RTL4: variants seen among roughly 807,000 people sequenced by gnomAD.
RTL4 encodes retrotransposon Gag like 4.
Under a neutral mutation model 5.3 loss-of-function variants are expected in RTL4, and 4 were observed. The ratio of observed to expected loss-of-function variants is 0.75; its 90% CI spans 0.37 to 1.72. The LOEUF is 1.72. Ranked by LOEUF, RTL4 falls within the 40% of genes most tolerant of loss-of-function variation. The pLI, the probability that RTL4 is intolerant of heterozygous loss-of-function variation, is 0.04. For missense variants in RTL4, 260 were observed against 227.1 expected (o/e 1.14, Z -0.93); for synonymous variants, 98 against 87.3 (o/e 1.12, Z -0.68).
At chrX:112,154,285 T>C in the RTL4 span, among the ~76,000 whole-genome samples, 1 of 112,332 alleles carries the variant, frequency 8.9e-6, no homozygotes, top group South Asian at 3.6e-4. Context: ...ATTTTAAATA[T>C]ACTTAAAGTA....
the RTL4 span, among the ~76,000 whole-genome samples, chrX:112,162,827 C>T: frequency 8.1e-5 from 9 of 111,226 alleles, no homozygotes; most frequent in African/African-American, 1.3e-4. Context: ...TTTTCTGCTC[C>T]GGAGGATCCT....
chrX:112,107,846 C>T, the RTL4 span, among the ~76,000 whole-genome samples: 1 of 111,873 alleles, frequency 8.9e-6, no homozygotes, highest in Non-Finnish European at 1.9e-5. Context: ...TGAATTCTTA[C>T]ATCTTCCTCC....
the RTL4 span, among the ~76,000 whole-genome samples, chrX:112,310,187 G>A: frequency 4.0e-5 from 4 of 99,800 alleles, no homozygotes; most frequent in Middle Eastern, 9.9e-3. Flanking sequence ...GGGCTTTGGG[G>A]TGGCAGTTAG....
At chrX:112,166,454 A>G in the RTL4 span, among the ~76,000 whole-genome samples, 1 of 111,763 alleles carries the variant, frequency 8.9e-6, no homozygotes, top group Non-Finnish European at 1.9e-5. Context: ...CAGGGAGATA[A>G]TGCCCTGTTG....
chrX:112,348,951 A>G, the RTL4 span, among the ~76,000 whole-genome samples: 1 of 110,534 alleles, frequency 9.0e-6, no homozygotes, highest in East Asian at 2.9e-4. Context: ...AAGAACTTTA[A>G]ATATAATATT....
chrX:112,107,341 G>A, the RTL4 span, among the ~76,000 whole-genome samples: 1 of 111,614 alleles, frequency 9.0e-6, no homozygotes, highest in Non-Finnish European at 1.9e-5. Context: ...AAAGATATAG[G>A]TGATTTTCAC....
At chrX:112,124,993 C>T in the RTL4 span, among the ~76,000 whole-genome samples, 4 of 110,281 alleles carry the variant, frequency 3.6e-5, no homozygotes, top group African/African-American at 1.3e-4. Context: ...CTCCAACTTC[C>T]AGGTTCAAGC....
the RTL4 span, chrX:112,320,250 C>T: frequency 2.7e-5 from 3 of 112,124 alleles, no homozygotes; most frequent in Non-Finnish European, 3.8e-5. Flanking sequence ...CCTGAATGTG[C>T]TCACAGATTG....
the RTL4 span, among the ~76,000 whole-genome samples, chrX:112,104,928 G>T: frequency 2.7e-5 from 3 of 111,417 alleles, no homozygotes; most frequent in African/African-American, 9.8e-5. Context: ...AGATTTTGTT[G>T]CCTGTACTTT....
upstream of RTL4, among the ~76,000 whole-genome samples, chrX:112,453,020 G>A (rs923501807): frequency 9.7e-5 from 8 of 82,711 alleles, no homozygotes; most frequent in Non-Finnish European, 1.4e-4. Context: ...GGACAAGAGC[G>A]AGACTCTGTC....
the RTL4 span, among the ~76,000 whole-genome samples, chrX:112,175,700 C>G: frequency 3.6e-5 from 4 of 111,228 alleles, no homozygotes; most frequent in East Asian, 1.1e-3. Flanking sequence ...TAAAAACTCT[C>G]AATAAATTAG....
chrX:112,102,840 T>A, the RTL4 span, among the ~76,000 whole-genome samples: 1 of 112,120 alleles, frequency 8.9e-6, no homozygotes, highest in Non-Finnish European at 1.9e-5. Context: ...AAGGTCAACA[T>A]CACTGATCAT....
chrX:112,240,588 G>A, the RTL4 span, among the ~76,000 whole-genome samples: 1 of 111,801 alleles, frequency 8.9e-6, no homozygotes, highest in African/African-American at 3.2e-5. Flanking sequence ...GCTTGTATGG[G>A]CACTCGAAGT....
At chrX:112,162,183 TAAC>T in the RTL4 span, among the ~76,000 whole-genome samples, 30 of 110,562 alleles carry the variant, frequency 2.7e-4, no homozygotes, top group African/African-American at 8.6e-4. Context: ...TTAATGACAA[TAAC>T]AACAACAATA....
the RTL4 span, among the ~76,000 whole-genome samples, chrX:112,209,684 G>A: frequency 9.0e-6 from 1 of 111,298 alleles, no homozygotes; most frequent in African/African-American, 3.3e-5. Flanking sequence ...GGCCGATCAC[G>A]TATATACCAC....
At chrX:112,343,855 A>AT in the RTL4 span, among the ~76,000 whole-genome samples, 2 of 111,328 alleles carry the variant, frequency 1.8e-5, no homozygotes, top group South Asian at 3.8e-4. Context: ...CATATTCTTG[A>AT]TTTTTTCCTC....
chrX:112,353,670 C>T, the RTL4 span, among the ~76,000 whole-genome samples: 3 of 109,842 alleles, frequency 2.7e-5, no homozygotes, highest in African/African-American at 1.0e-4. Flanking sequence ...ACATCACACT[C>T]CGGGGACTGT....
chrX:112,422,724 G>C, the RTL4 span, among the ~76,000 whole-genome samples: 1 of 110,912 alleles, frequency 9.0e-6, no homozygotes. Context: ...ACTCTTAAGA[G>C]TCTAGATTCT....
chrX:112,237,545 G>A, the RTL4 span, among the ~76,000 whole-genome samples: 3 of 112,233 alleles, frequency 2.7e-5, no homozygotes, highest in Non-Finnish European at 3.8e-5. Context: ...ATTTCTCCAG[G>A]AAACAGCTCC....
Sources: allele counts gnomAD v4.1 joint callset (sites outside exome capture counted in the v4.1 genomes callset), GRCh38; gene constraint gnomAD v4.1.1; transcripts MANE v1.5; gene names NCBI Gene and HGNC (gene_info 2026-07-23, HGNC 2026-07-21).